EFCAB5: variants seen among roughly 807,000 people sequenced by gnomAD.
EFCAB5 encodes EF-hand calcium binding domain 5.
EFCAB5 carries 131 observed loss-of-function variants against 167.9 expected under a neutral mutation model. That is an observed-to-expected ratio of 0.78 (90% CI 0.68 to 0.90). The LOEUF (loss-of-function observed/expected upper bound fraction) is 0.90, where lower values mean the gene tolerates loss of function less well. Ranked by LOEUF, EFCAB5 falls within the 40% of genes least tolerant of loss-of-function variation. The probability of loss-of-function intolerance (pLI) is 0.00; values close to 1 mark genes in which losing one functional copy is unlikely to be tolerated. For synonymous variants in EFCAB5, 574 were observed against 602.8 expected (o/e 0.95, Z 0.70); for missense variants, 1,663 against 1,745.2 (o/e 0.95, Z 0.84).
At chr17:30,089,780 G>C (rs932045030) in intron 19 of EFCAB5, among the ~76,000 whole-genome samples, 11 of 152,166 alleles carry the variant, frequency 7.2e-5, no homozygotes, top group African/African-American at 2.7e-4. Flanking sequence ...GGGCAGCTTA[G>C]AGCCAATGAC....
chr17:30,085,376 C>T (rs1233038565), intron 18 of EFCAB5, among the ~76,000 whole-genome samples: 1 of 152,228 alleles, frequency 6.6e-6, no homozygotes, highest in Non-Finnish European at 1.5e-5. Flanking sequence ...TAGGTAACTG[C>T]ATCAGGCACA....
intron 4 of EFCAB5, among the ~76,000 whole-genome samples, chr17:29,973,267 G>A (rs1462644886): frequency 6.6e-6 from 1 of 152,262 alleles, no homozygotes; most frequent in East Asian, 1.9e-4. Flanking sequence ...GCACAAGATT[G>A]GGCCAAATCC....
chr17:29,973,055 G>A (rs970580622), intron 4 of EFCAB5: 2 of 152,366 alleles, frequency 1.3e-5, no homozygotes, highest in African/African-American at 4.8e-5. Flanking sequence ...GCCACTGCAG[G>A]AGCGTCTTCC....
chr17:30,062,898 GA>G lies in EFCAB5; in HGVS notation c.2737+3200del, dbSNP rs577999683. Among the ~76,000 whole-genome samples, 189 of 152,298 alleles carry G rather than the reference GA, an allele frequency of 1.2e-3. 1 individual carries two copies. Among genetic ancestry groups the G allele is most frequent in the Non-Finnish European group, 1.6e-3 (106 of 68,022 alleles). The stretch of plus-strand genomic sequence containing the variant: ...ATTCCTCCTCAGTGCCTAAGTTGAA[GA>G]AACTCCCTGCATCCCAAGAAATGGT... On this transcript the variant is annotated intron_variant, in intron 14 of 22. Coordinates refer to ENST00000394835, the MANE Select transcript of EFCAB5 (RefSeq NM_198529.4).
intron 22 of EFCAB5, among the ~76,000 whole-genome samples, chr17:30,104,098 G>C (rs1428170440): frequency 4.2e-4 from 64 of 152,184 alleles, no homozygotes; most frequent in Admixed American, 4.1e-3. Flanking sequence ...GTCATGTTAA[G>C]GAGTGACTTG....
intron 7 of EFCAB5, among the ~76,000 whole-genome samples, chr17:30,026,388 G>A (rs993495047): frequency 7.9e-5 from 12 of 152,184 alleles, no homozygotes; most frequent in African/African-American, 2.9e-4. Flanking sequence ...TTCAGGCCAA[G>A]AGTATGCAGG....
At position 30,092,139 on chromosome 17, in the gene EFCAB5, T is replaced by G. The variant is rs1390986538; in HGVS notation, c.4206T>G (p.Ser1402Arg). 7 of 1,612,660 alleles carry G rather than the reference T, an allele frequency of 4.3e-6. No individual in the cohort carries two copies. The highest frequency in any genetic ancestry group is 5.1e-6 in the Non-Finnish European group (6 of 1,179,174). ...PELEFSSDFGSWDKCKFYVNK... is the reference protein window; with the variant it reads ...PELEFSSDFGRWDKCKFYVNK... Reference sequence around the variant, plus strand: ...TGGAATTTTCAAGTGACTTTGGAAGTTGGGATAAGTGTAAATTTGTAAGTT... The same window carrying G: ...TGGAATTTTCAAGTGACTTTGGAAGGTGGGATAAGTGTAAATTTGTAAGTT... Residue 1402 changes from serine (S) to arginine (R), a missense_variant, in exon 21 of 23, where the codon AGT becomes AGG. Ser to Arg is a moderately radical substitution (Grantham distance 110, BLOSUM62 -1). Coordinates refer to ENST00000394835, the MANE Select transcript of EFCAB5 (RefSeq NM_198529.4).
At chr17:30,044,615 GA>G (rs1434089221) in intron 8 of EFCAB5, among the ~76,000 whole-genome samples, 1 of 151,762 alleles carries the variant, frequency 6.6e-6, no homozygotes. Flanking sequence ...TAATTAAAAA[GA>G]AAAAAACACT....
Position 29,968,842 on chromosome 17 carries a change from C to A in EFCAB5, c.242C>A (p.Ser81Tyr), listed in dbSNP as rs866888859. The change falls in exon 4 of 23, where the codon TCT (serine) becomes TAT (tyrosine). Residue 81 changes from serine to tyrosine, a missense_variant. Ser to Tyr is a moderately radical substitution (Grantham distance 144, BLOSUM62 -2). Transcript: ENST00000394835. ...ATTTCACCTGGTTCAATAAAGGACT[C>A]TAAAACTGAAGCCTCAGGTAATATT... ...RKISPGSIKD[S>Y]KTEASGNIAI... The A allele has an allele frequency of 6.4e-7, 1 of 1,550,646 alleles. No individual in the cohort carries two copies. The highest frequency in any genetic ancestry group is 2.4e-5 in the East Asian group (1 of 42,234).
At chr17:30,050,893 A>G (rs2070073994) in intron 8 of EFCAB5, among the ~76,000 whole-genome samples, 1 of 152,220 alleles carries the variant, frequency 6.6e-6, no homozygotes, top group South Asian at 2.1e-4. Context: ...TTTCTTAAAC[A>G]TTTACTAAGT....
intron 22 of EFCAB5, 24 bp from the exon 23 acceptor site, chr17:30,107,810 T>C (rs769776645): frequency 1.4e-5 from 7 of 496,048 alleles, no homozygotes; most frequent in Non-Finnish European, 1.7e-5. Flanking sequence ...CCACTCTTAC[T>C]TTTCTTTTTT....
intron 8 of EFCAB5, among the ~76,000 whole-genome samples, chr17:30,049,672 AT>A: frequency 6.6e-6 from 1 of 152,212 alleles, no homozygotes; most frequent in East Asian, 1.9e-4. Context: ...TAATGATACC[AT>A]TTTTATCTAT....
At chr17:30,017,210 CCAAA>C in intron 7 of EFCAB5, among the ~76,000 whole-genome samples, 1 of 151,564 alleles carries the variant, frequency 6.6e-6, no homozygotes, top group South Asian at 2.1e-4. Context: ...CAAAAACCAA[CCAAA>C]CAAAAAACCA....
At chr17:29,995,000 A>G (rs180913991) in intron 5 of EFCAB5, among the ~76,000 whole-genome samples, 1 of 152,334 alleles carries the variant, frequency 6.6e-6, no homozygotes, top group Non-Finnish European at 1.5e-5. Flanking sequence ...GAAGGAGTTA[A>G]ATCAGTACTG....
At chr17:29,979,618 T>A (rs2068132251) in intron 4 of EFCAB5, among the ~76,000 whole-genome samples, 1 of 152,230 alleles carries the variant, frequency 6.6e-6, no homozygotes, top group Non-Finnish European at 1.5e-5. Context: ...GTTCTCCTTG[T>A]CCTTCAGTAG....
intron 14 of EFCAB5, among the ~76,000 whole-genome samples, chr17:30,064,668 C>A (rs537370605): frequency 2.0e-5 from 3 of 152,084 alleles, no homozygotes; most frequent in African/African-American, 7.2e-5. Context: ...CCAGGAAGCT[C>A]AAAATTTCCC....
intron 4 of EFCAB5, among the ~76,000 whole-genome samples, chr17:29,981,252 C>G (rs1486027081): frequency 6.6e-6 from 1 of 152,116 alleles, no homozygotes; most frequent in East Asian, 1.9e-4. Flanking sequence ...TTTGGATGAC[C>G]TTGTCCTTGC....
intron 14 of EFCAB5, chr17:30,065,713 A>C (rs1359609160): frequency 6.6e-6 from 1 of 152,158 alleles, no homozygotes; most frequent in Non-Finnish European, 1.5e-5. Context: ...GCTGCCTAGA[A>C]GAAACTCGGT....
intron 3 of EFCAB5, among the ~76,000 whole-genome samples, chr17:29,961,108 C>T (rs912734268): frequency 6.6e-6 from 1 of 152,110 alleles, no homozygotes; most frequent in African/African-American, 2.4e-5. Context: ...TACCAACACT[C>T]GTTATTTTCT....
Sources: gnomAD v4.1 joint callset for allele counts (sites outside exome capture counted in the v4.1 genomes callset) on GRCh38, gnomAD v4.1.1 for gene constraint, MANE v1.5 for transcripts, NCBI Gene and HGNC (gene_info 2026-07-23, HGNC 2026-07-21) for gene names.